TOX2: variants seen among roughly 807,000 people sequenced by gnomAD.
TOX2 encodes TOX high mobility group box family member 2, also known as granulosa cell HMG box 1.
TOX2 carries 15 observed loss-of-function variants against 47.4 expected under a neutral mutation model. That is an observed-to-expected ratio of 0.32 (90% confidence interval 0.21 to 0.49). The LOEUF is 0.49. Ranked by LOEUF, TOX2 falls within the 20% of genes least tolerant of loss-of-function variation. The pLI is 0.99. For missense variants in TOX2, 622 were observed against 673.1 expected (o/e 0.92, Z 0.84); for synonymous variants, 290 against 296.6 (o/e 0.98, Z 0.23).
chr20:43,950,479 C>T (rs2069543654), intron 1 of TOX2, among the ~76,000 whole-genome samples: 2 of 151,960 alleles, frequency 1.3e-5, no homozygotes, highest in South Asian at 2.1e-4. Flanking sequence ...CTCTGGCCTC[C>T]CCTCCCCCTC....
At chr20:44,008,550 A>G (rs2070725500) in intron 3 of TOX2, among the ~76,000 whole-genome samples, 1 of 96,686 alleles carries the variant, frequency 1.0e-5, no homozygotes, top group African/African-American at 5.4e-5. Flanking sequence ...ACGCAGCAAG[A>G]CCCTGTCTCA....
rs780485781 is a variant in TOX2 at position 44,069,048 on chromosome 20, A to T, written c.*362A>T. 1.2e-5 allele frequency: 5 copies of T among 416,752 alleles called. No homozygotes were observed. The highest frequency in any genetic ancestry group is 3.2e-5 in the Admixed American group (1 of 31,722). 25.8% of individuals were successfully genotyped at this position (416,752 alleles called of 1,614,324 possible). A position where few individuals can be genotyped will look rare whatever the true frequency, so the allele number is the denominator to read the frequency against. ...CTGGCGGGGTCGCTTACCAACGGAC[A>T]CCCACCCCAGATGCATGGGCCAGAG... is the stretch of plus-strand genomic sequence containing the variant. On this transcript the variant is annotated 3_prime_UTR_variant, in exon 9 of 9. Transcript: ENST00000341197.
intron 1 of TOX2, among the ~76,000 whole-genome samples, chr20:43,949,743 GC>G (rs1377916850): frequency 1.3e-5 from 2 of 152,056 alleles, no homozygotes; most frequent in African/African-American, 4.8e-5. Context: ...TTCTCTGATT[GC>G]CCCCACCGTC....
In TOX2 at chr20:44,054,406, C is replaced by T. The variant is rs182587475; in HGVS notation, c.759C>T (p.Tyr253=). The part of the protein sequence containing the change: ...PNEPQKPVSA[Y]ALFFRDTQAA... ...AGCCGCAGAAGCCTGTGTCGGCCTA[C>T]GCACTCTTCTTCAGAGACACTCAGG... The change falls in exon 5 of 9, where the codon TAC becomes TAT. Residue 253 remains tyrosine, a synonymous_variant. Transcript: ENST00000341197. 108 of 1,612,630 alleles carry T rather than the reference C, an allele frequency of 6.7e-5. No individual in the cohort carries two copies. In the Middle Eastern group the frequency reaches 9.9e-4, roughly 15 times the overall value.
chr20:43,980,177 G>A (rs541573650), intron 2 of TOX2, among the ~76,000 whole-genome samples: 1 of 152,332 alleles, frequency 6.6e-6, no homozygotes, highest in South Asian at 2.1e-4. Context: ...TATACACAAT[G>A]GAGTATTATT....
chr20:43,987,267 C>T (rs1282766049), intron 2 of TOX2, among the ~76,000 whole-genome samples: 1 of 152,096 alleles, frequency 6.6e-6, no homozygotes, highest in Non-Finnish European at 1.5e-5. Flanking sequence ...AACCAGACAA[C>T]AAGACAGAAC....
At chr20:43,976,649 C>A (rs1038847433) in intron 2 of TOX2, among the ~76,000 whole-genome samples, 1 of 152,174 alleles carries the variant, frequency 6.6e-6, no homozygotes, top group African/African-American at 2.4e-5. Context: ...ATAACTTAGA[C>A]TTTTCTGGTA....
At chr20:44,026,249 A>ATATATATATATATATATATATATAT (rs1569109261) in intron 3 of TOX2, among the ~76,000 whole-genome samples, 1 of 64,802 alleles carries the variant, frequency 1.5e-5, no homozygotes, top group African/African-American at 7.2e-5. Context: ...ATATATATAT[A>ATATATATATATATATATATATATAT]GACACACACA....
chr20:44,048,852 G>A (rs1303634486), intron 3 of TOX2, among the ~76,000 whole-genome samples: 1 of 152,060 alleles, frequency 6.6e-6, no homozygotes, highest in Non-Finnish European at 1.5e-5. Context: ...ACCAATATCA[G>A]GGCCAGGTGT....
chr20:44,003,183 CT>C (rs376872679), intron 2 of TOX2, among the ~76,000 whole-genome samples: 5,879 of 133,112 alleles, frequency 0.044, 150 homozygotes, highest in African/African-American at 0.076. Flanking sequence ...GTACATTCAA[CT>C]TTTTTTTTTT....
intron 3 of TOX2, among the ~76,000 whole-genome samples, chr20:44,018,943 A>G (rs1440159944): frequency 6.6e-6 from 1 of 152,128 alleles, no homozygotes; most frequent in East Asian, 1.9e-4. Flanking sequence ...TGGGTGAATT[A>G]CTGTCTCTCT....
intron 8 of TOX2, 78 bp downstream of exon 8, chr20:44,066,935 G>T: frequency 6.4e-7 from 1 of 1,553,652 alleles, no homozygotes; most frequent in Non-Finnish European, 8.7e-7. Context: ...TGGGAGAATG[G>T]CCAAGGGCAA....
At chr20:43,934,629 C>T (rs1198482759) in intron 1 of TOX2, among the ~76,000 whole-genome samples, 4 of 152,012 alleles carry the variant, frequency 2.6e-5, no homozygotes, top group Non-Finnish European at 5.9e-5. Flanking sequence ...CACTGACTAC[C>T]AGGCTCTGGG....
At chr20:43,969,420 G>T (rs947517588) in intron 1 of TOX2, among the ~76,000 whole-genome samples, 1 of 152,224 alleles carries the variant, frequency 6.6e-6, no homozygotes, top group Admixed American at 6.5e-5. Flanking sequence ...TAGCCCTGCT[G>T]TGTCTGAGGG....
At chr20:43,933,505 G>A (rs899958349) in intron 1 of TOX2, among the ~76,000 whole-genome samples, 1 of 152,190 alleles carries the variant, frequency 6.6e-6, no homozygotes, top group Non-Finnish European at 1.5e-5. Flanking sequence ...CTGCTCAGGG[G>A]GCCATGCTTT....
chr20:43,998,642 AT>A (rs1403936048), intron 2 of TOX2, among the ~76,000 whole-genome samples: 7 of 151,952 alleles, frequency 4.6e-5, no homozygotes, highest in Admixed American at 1.3e-4. Flanking sequence ...TCCTTTTGAT[AT>A]TTTTTAGTGC....
chr20:43,925,544 T>C (rs947165761), intron 1 of TOX2, among the ~76,000 whole-genome samples: 10 of 152,228 alleles, frequency 6.6e-5, no homozygotes, highest in African/African-American at 2.4e-4. Context: ...AGAATTCTTC[T>C]GGTTGGCATT....
chr20:43,994,665 G>T (rs1039052448), intron 2 of TOX2, among the ~76,000 whole-genome samples: 4 of 152,086 alleles, frequency 2.6e-5, no homozygotes, highest in African/African-American at 9.7e-5. Context: ...CACCAATCAT[G>T]TATCTTTCCA....
intron 3 of TOX2, chr20:44,038,912 C>A: frequency 8.6e-7 from 1 of 1,168,670 alleles, no homozygotes; most frequent in Non-Finnish European, 1.1e-6. Context: ...CTCTGCGATC[C>A]TAATTACATT....
Sources: gnomAD v4.1 joint callset for allele counts (sites outside exome capture counted in the v4.1 genomes callset) on GRCh38, gnomAD v4.1.1 for gene constraint, MANE v1.5 for transcripts, NCBI Gene and HGNC (gene_info 2026-07-23, HGNC 2026-07-21) for gene names.